Variants in TMEM132D observed in about 807,000 individuals in gnomAD.
TMEM132D encodes transmembrane protein 132D.
Under a neutral mutation model 62.3 loss-of-function variants are expected in TMEM132D, and 21 were observed. That is an observed-to-expected ratio of 0.34 (90% CI 0.24 to 0.49). TMEM132D has a LOEUF of 0.49. Among genes scored for constraint, TMEM132D ranks in the 20% least tolerant of loss-of-function variants. TMEM132D has a pLI of 0.99. For synonymous variants in TMEM132D, 621 were observed against 575.6 expected, an observed-to-expected ratio of 1.08 and a Z score of -1.13; for missense variants, 1,346 against 1,402.8, an observed-to-expected ratio of 0.96 and a Z score of 0.65.
chr12:129,531,869 A>G (rs1308517402), intron 2 of TMEM132D, among the ~76,000 whole-genome samples: 1 of 152,174 alleles, frequency 6.6e-6, no homozygotes, highest in Non-Finnish European at 1.5e-5. Context: ...AAAGAAACAT[A>G]GAATAATGAA....
At chr12:129,155,161 A>G (rs563574444) in intron 5 of TMEM132D, among the ~76,000 whole-genome samples, 30 of 152,238 alleles carry the variant, frequency 2.0e-4, no homozygotes, top group Non-Finnish European at 4.1e-4. Flanking sequence ...GGTTTCCCAC[A>G]TAGAATGCCA....
chr12:129,619,297 C>T (rs991470286), intron 2 of TMEM132D, among the ~76,000 whole-genome samples: 7 of 152,248 alleles, frequency 4.6e-5, no homozygotes, highest in Admixed American at 2.6e-4. Context: ...TACATACGCT[C>T]AGGAAGAGAA....
intron 2 of TMEM132D, among the ~76,000 whole-genome samples, chr12:129,621,717 C>T (rs1391854174): frequency 6.6e-6 from 1 of 152,188 alleles, no homozygotes; most frequent in Non-Finnish European, 1.5e-5. Flanking sequence ...ACTACATCTT[C>T]CAGTGGAGGT....
intron 4 of TMEM132D, among the ~76,000 whole-genome samples, chr12:129,218,230 A>T (rs900669679): frequency 1.3e-5 from 2 of 152,224 alleles, no homozygotes; most frequent in Admixed American, 6.5e-5. Flanking sequence ...ATTCATTTTT[A>T]AAAATGTTAG....
At chr12:129,282,495 T>C (rs1000247996) in intron 4 of TMEM132D, among the ~76,000 whole-genome samples, 5 of 152,154 alleles carry the variant, frequency 3.3e-5, no homozygotes, top group African/African-American at 9.7e-5. Context: ...GAACACCAGC[T>C]ACGATCCGGG....
intron 1 of TMEM132D, among the ~76,000 whole-genome samples, chr12:129,899,739 C>A (rs954936880): frequency 1.9e-4 from 29 of 152,112 alleles, no homozygotes; most frequent in African/African-American, 7.0e-4. Flanking sequence ...CCTTTCTATG[C>A]ACATAAATAT....
chr12:129,813,361 C>T (rs919261531), intron 1 of TMEM132D, among the ~76,000 whole-genome samples: 5 of 151,776 alleles, frequency 3.3e-5, no homozygotes, highest in African/African-American at 1.2e-4. Flanking sequence ...CCCTGCTTAA[C>T]ACCCTTCATT....
rs1870162962 is a variant in TMEM132D at position 129,358,971 on chromosome 12, A to G, written c.1116-21154T>C. On this transcript the variant is annotated intron_variant, in intron 3 of 8. Transcript: ENST00000422113. ...AAATTTCAAGCTTTTTTTTTTTTTAAATGTCCATTTTAACTTTATTCACAG... is the reference window on the plus strand; with the variant it reads ...AAATTTCAAGCTTTTTTTTTTTTTAGATGTCCATTTTAACTTTATTCACAG... Among the ~76,000 whole-genome samples the G allele has an allele frequency of 2.0e-5, 3 of 150,894 alleles. No homozygotes were observed. The South Asian group carries it at 6.3e-4, about 32-fold the overall frequency.
intron 1 of TMEM132D, among the ~76,000 whole-genome samples, chr12:129,704,616 GC>G (rs1165312063): frequency 6.6e-6 from 1 of 152,174 alleles, no homozygotes; most frequent in Non-Finnish European, 1.5e-5. Context: ...GCACCTTGGA[GC>G]AAGGGATCTC....
chr12:129,812,615 T>C (rs1245302587), intron 1 of TMEM132D, among the ~76,000 whole-genome samples: 1 of 151,790 alleles, frequency 6.6e-6, no homozygotes, highest in Non-Finnish European at 1.5e-5. Flanking sequence ...GGACAGTGTC[T>C]ATCTTCTCTT....
At chr12:129,445,086 T>C (rs1206974410) in intron 3 of TMEM132D, among the ~76,000 whole-genome samples, 1 of 152,022 alleles carries the variant, frequency 6.6e-6, no homozygotes, top group East Asian at 1.9e-4. Context: ...AACCTAAATA[T>C]CCATCAATGA....
At chr12:129,343,619 G>A (rs892331872) in intron 3 of TMEM132D, among the ~76,000 whole-genome samples, 66 of 151,976 alleles carry the variant, frequency 4.3e-4, no homozygotes, top group African/African-American at 3.6e-4. Context: ...TTGTTTTACC[G>A]ATAATAATGT....
At position 129,336,423 on chromosome 12, in the gene TMEM132D, A is replaced by G. The variant is rs1869272638; in HGVS notation, c.1299+1211T>C. On this transcript the variant is annotated intron_variant, in intron 4 of 8. Transcript: ENST00000422113. ...AAACCCTGTCTCTACTAAAAATGCA[A>G]AAATTAGCCAGGCATGGTGGTGGGC... Among the ~76,000 whole-genome samples the G allele has an allele frequency of 2.0e-5, 3 of 152,086 alleles. No individual in the cohort carries two copies. The South Asian group carries it at 6.2e-4, about 32-fold the overall frequency.
At chr12:129,885,238 G>C (rs1302322660) in intron 1 of TMEM132D, among the ~76,000 whole-genome samples, 2 of 152,186 alleles carry the variant, frequency 1.3e-5, no homozygotes. Flanking sequence ...TCACAGAACT[G>C]TTCAATAGTA....
intron 4 of TMEM132D, among the ~76,000 whole-genome samples, chr12:129,262,056 GTCT>G (rs1189411118): frequency 2.0e-5 from 3 of 152,076 alleles, no homozygotes; most frequent in African/African-American, 7.2e-5. Context: ...AGAGGGATGG[GTCT>G]TTTTTCTGGA....
intron 3 of TMEM132D, among the ~76,000 whole-genome samples, chr12:129,381,510 C>G (rs1870949896): frequency 6.6e-6 from 1 of 152,260 alleles, no homozygotes; most frequent in Non-Finnish European, 1.5e-5. Flanking sequence ...CTACTGCCAT[C>G]TCATAGGTAA....
chr12:129,365,442 T>A (rs1870374694), intron 3 of TMEM132D, among the ~76,000 whole-genome samples: 1 of 152,164 alleles, frequency 6.6e-6, no homozygotes, highest in African/African-American at 2.4e-5. Context: ...TATCCAAAGC[T>A]AAGGCCTTAA....
chr12:129,259,438 GA>G (rs1252410784), intron 4 of TMEM132D, among the ~76,000 whole-genome samples: 2 of 151,926 alleles, frequency 1.3e-5, no homozygotes, highest in African/African-American at 2.4e-5. Flanking sequence ...GGTATGTTAG[GA>G]AAAAAAATGA....
chr12:129,158,484 TA>T (rs1877307449), intron 5 of TMEM132D, among the ~76,000 whole-genome samples: 1 of 152,210 alleles, frequency 6.6e-6, no homozygotes, highest in Non-Finnish European at 1.5e-5. Flanking sequence ...ACTCAGAACA[TA>T]AAAGTGGTTT....
Sources: gnomAD v4.1 joint callset for allele counts (sites outside exome capture counted in the v4.1 genomes callset) on GRCh38, gnomAD v4.1.1 for gene constraint, MANE v1.5 for transcripts, NCBI Gene and HGNC (gene_info 2026-07-23, HGNC 2026-07-21) for gene names.